Variants in ZNF682 observed in about 807,000 individuals in gnomAD.
ZNF682 encodes zinc finger protein 682.
A neutral mutation model predicts 36.5 loss-of-function variants in ZNF682; 29 were observed. The observed-to-expected ratio is 0.80, with a 90% CI of 0.59 to 1.08. The LOEUF (loss-of-function observed/expected upper bound fraction) is 1.08. Among genes scored for constraint, ZNF682 ranks in the 50% least tolerant of loss-of-function variants. The pLI is 0.00. For synonymous variants in ZNF682, 180 were observed against 197.0 expected (o/e 0.91, Z 0.72); for missense variants, 561 against 579.7 (o/e 0.97, Z 0.33).
chr19:20,011,444 T>TA (rs1438119427), intron 3 of ZNF682, among the ~76,000 whole-genome samples: 4 of 152,186 alleles, frequency 2.6e-5, no homozygotes, highest in Admixed American at 2.6e-4. Flanking sequence ...ATTCTGGACT[T>TA]AAACTCAGCA....
At chr19:19,996,362 A>G (rs1436213357), downstream of ZNF682, among the ~76,000 whole-genome samples, 2 of 152,254 alleles carry the variant, frequency 1.3e-5, no homozygotes, top group African/African-American at 4.8e-5. Context: ...AAGTCATTAT[A>G]TGAAAAAGAC....
chr19:19,995,971 C>G (rs928774337), downstream of ZNF682, among the ~76,000 whole-genome samples: 1 of 152,176 alleles, frequency 6.6e-6, no homozygotes, highest in African/African-American at 2.4e-5. Context: ...CATGGGGTTG[C>G]CATGGGCCCC....
chr19:20,017,735 T>A lies in ZNF682; in HGVS notation c.226+5269A>T, dbSNP rs142251021. 3.8e-3 allele frequency among the ~76,000 whole-genome samples: 574 copies of A among 152,126 alleles called. 3 individuals carry two copies. Among genetic ancestry groups the A allele is most frequent in the African/African-American group, 0.014 (561 of 41,514 alleles). On this transcript the variant is annotated intron_variant, in intron 3 of 3. Coordinates refer to ENST00000397165, the MANE Select transcript of ZNF682 (RefSeq NM_033196.3). ...AAGAGACACATACAGAACGTTCCAG[T>A]TAAAAGCAGCAGAATACATGATATT...
rs577563121 is a variant in ZNF682 at position 20,027,304 on chromosome 19, T to C, written c.4-2928A>G. On this transcript the variant is annotated intron_variant, in intron 1 of 3. Coordinates refer to ENST00000397165, the MANE Select transcript of ZNF682 (RefSeq NM_033196.3). ...CAGGAGAATTTCAGGAACAGTGAGC[T>C]TCTACCTAAAGACTAAAATGTGAGT... 2.6e-5 allele frequency among the ~76,000 whole-genome samples: 4 copies of C among 152,358 alleles called. No individual in the cohort carries two copies. In the East Asian group the frequency reaches 7.7e-4, roughly 29 times the overall value.
At chr19:20,010,520 G>A (rs2088275725) in intron 3 of ZNF682, among the ~76,000 whole-genome samples, 1 of 152,008 alleles carries the variant, frequency 6.6e-6, no homozygotes, top group Non-Finnish European at 1.5e-5. Flanking sequence ...TTAGCCAGGA[G>A]TGGTGGCACA....
chr19:20,024,125 T>C (rs561443751), intron 2 of ZNF682, 125 bp downstream of exon 2: 8 of 1,156,550 alleles, frequency 6.9e-6, no homozygotes, highest in Admixed American at 5.1e-5. Context: ...ATCCCCAAGT[T>C]TTCCTTGAAA....
At chr19:20,010,919 C>A (rs952302564) in intron 3 of ZNF682, among the ~76,000 whole-genome samples, 1 of 151,698 alleles carries the variant, frequency 6.6e-6, no homozygotes, top group Admixed American at 6.6e-5. Context: ...AAGCCGAGAT[C>A]GTGCCACTTC....
At chr19:20,001,488 G>A (rs1218826265), downstream of ZNF682, among the ~76,000 whole-genome samples, 1 of 152,164 alleles carries the variant, frequency 6.6e-6, no homozygotes, top group Non-Finnish European at 1.5e-5. Flanking sequence ...CTTCCCCACC[G>A]TGGTTCAGTC....
intron 3 of ZNF682, among the ~76,000 whole-genome samples, chr19:19,998,999 T>C (rs1165491455): frequency 6.6e-6 from 1 of 152,050 alleles, no homozygotes; most frequent in Non-Finnish European, 1.5e-5. Flanking sequence ...TGGGGCATCA[T>C]TAAGTCCTGA....
intron 1 of ZNF682, among the ~76,000 whole-genome samples, chr19:20,029,334 C>T (rs1251438408): frequency 6.6e-6 from 1 of 151,002 alleles, no homozygotes; most frequent in Middle Eastern, 3.2e-3. Context: ...GGCACGGTGG[C>T]TCATGCCTGT....
chr19:20,036,788 G>A (rs182504368), intron 1 of ZNF682, among the ~76,000 whole-genome samples: 1 of 125,404 alleles, frequency 8.0e-6, no homozygotes, highest in East Asian at 2.4e-4. Flanking sequence ...GGAACATGGT[G>A]AGATGCTGTC....
At chr19:19,997,012 A>G (rs548781024), downstream of ZNF682, 14 of 376,812 alleles carry the variant, frequency 3.7e-5, no homozygotes, top group African/African-American at 2.9e-4. Flanking sequence ...TTCTCAGGGA[A>G]AGATCATGGA....
chr19:19,999,401 A>G (rs1168982054), intron 3 of ZNF682, among the ~76,000 whole-genome samples: 1 of 139,378 alleles, frequency 7.2e-6, no homozygotes, highest in Non-Finnish European at 1.5e-5. Flanking sequence ...GAAACACTGA[A>G]ATTTCCTTTG....
At chr19:20,023,213 A>AT in intron 2 of ZNF682, 114 bp from the exon 3 acceptor site, 4 of 988,216 alleles carry the variant, frequency 4.0e-6, no homozygotes, top group Non-Finnish European at 5.8e-6. Context: ...AAAATTAATA[A>AT]TAAGGACAGG....
chr19:20,000,205 TC>T (rs1320076676), downstream of ZNF682, among the ~76,000 whole-genome samples: 1 of 152,124 alleles, frequency 6.6e-6, no homozygotes, highest in Non-Finnish European at 1.5e-5. Context: ...CTAACATACT[TC>T]CTTGGTGATG....
In ZNF682 at chr19:20,005,742, T is replaced by C. The variant is rs889273100; in HGVS notation, c.*263A>G. 4.3e-5 allele frequency: 19 copies of C among 446,494 alleles called. No individual in the cohort carries two copies. The highest frequency in any genetic ancestry group is 2.7e-4 in the South Asian group (7 of 26,356). The allele number at this position is 446,494 out of a possible 1,614,324, so 27.7% of individuals were successfully genotyped here. A position where few individuals can be genotyped will look rare whatever the true frequency, so the allele number is the denominator to read the frequency against. ...TGTATCATTACACTTACATTGCTTTTATCTAGCACAAAACCTCTGATGAGT... is the reference window on the plus strand; with the variant it reads ...TGTATCATTACACTTACATTGCTTTCATCTAGCACAAAACCTCTGATGAGT... On this transcript the variant is annotated 3_prime_UTR_variant, in exon 4 of 4. Transcript: ENST00000397165.
chr19:20,000,581 T>A (rs1568534120), downstream of ZNF682, among the ~76,000 whole-genome samples: 1 of 152,154 alleles, frequency 6.6e-6, no homozygotes, highest in Non-Finnish European at 1.5e-5. Context: ...ATGTTGAAAC[T>A]CTTGTGGGTC....
chr19:20,014,399 C>T (rs2088316633), intron 3 of ZNF682, among the ~76,000 whole-genome samples: 1 of 152,054 alleles, frequency 6.6e-6, no homozygotes, highest in Non-Finnish European at 1.5e-5. Context: ...GTGAAAGAAA[C>T]CCAAACTTCT....
intron 1 of ZNF682, among the ~76,000 whole-genome samples, chr19:20,027,199 C>A (rs2088439225): frequency 6.6e-6 from 1 of 152,164 alleles, no homozygotes; most frequent in Non-Finnish European, 1.5e-5. Context: ...AACCCCTTCA[C>A]CTGCTACCAC....
Sources: allele counts gnomAD v4.1 joint callset (sites outside exome capture counted in the v4.1 genomes callset), GRCh38; gene constraint gnomAD v4.1.1; transcripts MANE v1.5; gene names NCBI Gene and HGNC (gene_info 2026-07-23, HGNC 2026-07-21).